Variants in ASB4 observed in about 807,000 individuals in gnomAD.
ASB4 encodes ankyrin repeat and SOCS box containing 4, also known as ankyrin repeat and SOCS box protein 4.
A neutral mutation model predicts 38.6 loss-of-function variants in ASB4; 35 were observed. The observed-to-expected ratio is 0.91, with a 90% CI of 0.69 to 1.20. ASB4 has a LOEUF of 1.20. Among genes scored for constraint, ASB4 ranks in the 50% most tolerant of loss-of-function variants. ASB4 has a pLI of 0.00. For missense variants in ASB4, 557 were observed against 527.2 expected (o/e 1.06, Z -0.55); for synonymous variants, 195 against 201.3 (o/e 0.97, Z 0.26).
At chr7:95,518,705 C>G (rs577362260) in intron 2 of ASB4, among the ~76,000 whole-genome samples, 2 of 152,278 alleles carry the variant, frequency 1.3e-5, no homozygotes, top group South Asian at 4.1e-4. Flanking sequence ...AGATGATGTA[C>G]AAATCTTTAA....
chr7:95,526,825 T>TATTA (rs1258881289), intron 2 of ASB4, among the ~76,000 whole-genome samples: 1 of 152,228 alleles, frequency 6.6e-6, no homozygotes, highest in Admixed American at 6.5e-5. Flanking sequence ...GCAGCGCTGA[T>TATTA]ATTAGAGTTG....
chr7:95,501,147 C>A (rs1160877492), intron 2 of ASB4, among the ~76,000 whole-genome samples: 1 of 152,008 alleles, frequency 6.6e-6, no homozygotes, highest in Non-Finnish European at 1.5e-5. Context: ...TTTTTTGTCT[C>A]ACTTTTCGTA....
rs539450237 is a variant in ASB4, at chr7:95,504,153, C to T, written c.487+8096C>T. ...GCATATTATTTCTACCTATTCCATTCGTAAGAGGAAAATGAAAGCTGCCCG... is the reference window on the plus strand; with the variant it reads ...GCATATTATTTCTACCTATTCCATTTGTAAGAGGAAAATGAAAGCTGCCCG... On this transcript the variant is annotated intron_variant, in intron 2 of 4. Transcript: ENST00000325885. 9.2e-5 allele frequency among the ~76,000 whole-genome samples: 14 copies of T among 152,136 alleles called. No individual in the cohort carries two copies. The East Asian group carries it at 2.3e-3, about 25-fold the overall frequency.
Position 95,539,494 on chromosome 7 carries a change from A to G in ASB4, c.*1735A>G, listed in dbSNP as rs1170940864. On this transcript the variant is annotated 3_prime_UTR_variant, in exon 5 of 5. Transcript: ENST00000325885. ...TGCTGAATTTGTATGAATTATTCAC[A>G]TAAAGCTTGATCTTTCAAAAAATAG... 3 of 152,264 alleles carry G rather than the reference A, an allele frequency of 2.0e-5. No homozygotes were observed. The highest frequency in any genetic ancestry group is 7.2e-5 in the African/African-American group (3 of 41,464). The allele number at this position is 152,264 out of a possible 1,614,324, so 9.4% of individuals were successfully genotyped here.
At chr7:95,478,642 C>T (rs1403314936) in intron 1 of ASB4, 1 of 152,120 alleles carries the variant, frequency 6.6e-6, no homozygotes, top group African/African-American at 2.4e-5. Context: ...ACATGAAAGG[C>T]AGCTGGTTTG....
At chr7:95,477,638 C>T (rs534759249), upstream of ASB4, among the ~76,000 whole-genome samples, 5 of 152,032 alleles carry the variant, frequency 3.3e-5, no homozygotes, top group Admixed American at 2.6e-4. Flanking sequence ...CTTCGCTTTG[C>T]GACTAATTAA....
At chr7:95,490,905 G>A (rs571323806) in intron 1 of ASB4, among the ~76,000 whole-genome samples, 1 of 152,350 alleles carries the variant, frequency 6.6e-6, no homozygotes, top group African/African-American at 2.4e-5. Flanking sequence ...AGCTACAAGT[G>A]ATATCAGTTT....
intron 2 of ASB4, among the ~76,000 whole-genome samples, chr7:95,501,699 C>G (rs1282029167): frequency 6.6e-6 from 1 of 152,168 alleles, no homozygotes; most frequent in African/African-American, 2.4e-5. Flanking sequence ...AGTGGCCAAC[C>G]TTTCACTCCC....
intron 1 of ASB4, 29 bp downstream of exon 1, chr7:95,486,187 CT>C (rs143019035): frequency 0.046 from 71,992 of 1,565,610 alleles, 1,942 homozygotes; most frequent in Middle Eastern, 0.083. Context: ...TATTGTAGAA[CT>C]GTTAGAAAAT....
chr7:95,490,516 A>G (rs770773904), intron 1 of ASB4, among the ~76,000 whole-genome samples: 45 of 152,216 alleles, frequency 3.0e-4, no homozygotes, highest in Non-Finnish European at 3.4e-4. Flanking sequence ...AGGCAGAGCA[A>G]ATGTCTGCTA....
At chr7:95,524,756 A>C (rs1790713979) in intron 2 of ASB4, among the ~76,000 whole-genome samples, 1 of 152,188 alleles carries the variant, frequency 6.6e-6, no homozygotes, top group Middle Eastern at 3.2e-3. Flanking sequence ...CCATGTGGAG[A>C]CACAAATGAG....
At chr7:95,506,085 G>A (rs1280019342) in intron 2 of ASB4, among the ~76,000 whole-genome samples, 4 of 152,046 alleles carry the variant, frequency 2.6e-5, no homozygotes, top group Non-Finnish European at 5.9e-5. Flanking sequence ...TTTTAGTAGA[G>A]ACAGGGTCTT....
upstream of ASB4, among the ~76,000 whole-genome samples, chr7:95,485,392 T>C (rs43067): frequency 0.69 from 104,913 of 151,988 alleles, 37,051 homozygotes; most frequent in East Asian, 0.94. Context: ...ACCTCCTCCC[T>C]TCCCAGCTTT....
At chr7:95,513,444 TAC>T (rs1790513443) in intron 2 of ASB4, among the ~76,000 whole-genome samples, 1 of 151,900 alleles carries the variant, frequency 6.6e-6, no homozygotes, top group African/African-American at 2.4e-5. Flanking sequence ...AGGGAATAGA[TAC>T]AGTCTGTTGC....
chr7:95,515,229 CTTT>C (rs1227234730), intron 2 of ASB4, among the ~76,000 whole-genome samples: 8 of 83,152 alleles, frequency 9.6e-5, no homozygotes, highest in South Asian at 3.9e-4. Flanking sequence ...TTCTTTCTTT[CTTT>C]TTCTTTCTTT....
At chr7:95,516,892 C>T (rs1288450794) in intron 2 of ASB4, among the ~76,000 whole-genome samples, 7 of 152,184 alleles carry the variant, frequency 4.6e-5, no homozygotes, top group Non-Finnish European at 1.0e-4. Flanking sequence ...TCTGTGACTT[C>T]AAATGTCATC....
At chr7:95,501,113 A>C (rs1790330669) in intron 2 of ASB4, among the ~76,000 whole-genome samples, 2 of 152,184 alleles carry the variant, frequency 1.3e-5, no homozygotes, top group Non-Finnish European at 1.5e-5. Context: ...TATTAATTTA[A>C]TCATTAACTT....
chr7:95,512,815 TCTC>T (rs1244014827), intron 2 of ASB4, among the ~76,000 whole-genome samples: 1 of 152,192 alleles, frequency 6.6e-6, no homozygotes, highest in African/African-American at 2.4e-5. Context: ...CTTTCCAGCT[TCTC>T]TTCTGAGGGC....
At chr7:95,521,124 T>C (rs369922408) in intron 2 of ASB4, among the ~76,000 whole-genome samples, 47 of 152,290 alleles carry the variant, frequency 3.1e-4, no homozygotes, top group African/African-American at 1.1e-3. Flanking sequence ...TTTCCATTTA[T>C]TGAGTCTTTT....
Sources: allele counts gnomAD v4.1 joint callset (sites outside exome capture counted in the v4.1 genomes callset), GRCh38; gene constraint gnomAD v4.1.1; transcripts MANE v1.5; gene names NCBI Gene and HGNC (gene_info 2026-07-23, HGNC 2026-07-21).